Variants in KIFC3 observed in about 807,000 individuals in gnomAD.
The protein encoded by KIFC3 is kinesin-like protein KIFC3.
KIFC3 carries 60 observed loss-of-function variants against 101.8 expected under a neutral mutation model. That is an observed-to-expected ratio of 0.59 (90% CI 0.48 to 0.73). The LOEUF (loss-of-function observed/expected upper bound fraction) is 0.73, where lower values mean the gene tolerates loss of function less well. Among genes scored for constraint, KIFC3 ranks in the 30% least tolerant of loss-of-function variants. The pLI, the probability that KIFC3 is intolerant of heterozygous loss-of-function variation, is 0.00. For missense variants in KIFC3, 966 were observed against 1,137.1 expected (o/e 0.85, Z 2.16); for synonymous variants, 476 against 482.7 (o/e 0.99, Z 0.18).
At chr16:57,862,132 A>G (rs1959323358) in intron 1 of KIFC3, among the ~76,000 whole-genome samples, 1 of 149,456 alleles carries the variant, frequency 6.7e-6, no homozygotes, top group Non-Finnish European at 1.5e-5. Flanking sequence ...CCTTATTATT[A>G]TTATTATTTA....
chr16:57,795,222 C>T (rs2054194401), intron 2 of KIFC3, 81 bp from the exon 3 acceptor site: 2 of 1,490,270 alleles, frequency 1.3e-6, no homozygotes, highest in South Asian at 2.5e-5. Context: ...GCCAGGGCCG[C>T]AGCTGAGCTC....
intron 3 of KIFC3, chr16:57,775,319 A>G: frequency 8.4e-7 from 1 of 1,192,784 alleles, no homozygotes; most frequent in Non-Finnish European, 1.0e-6. Flanking sequence ...AGGGCAGCAA[A>G]GCAGGGGGAA....
Position 57,769,329 on chromosome 16 carries a change from C to G in KIFC3, c.1218+266G>C, listed in dbSNP as rs1222795326. Among the ~76,000 whole-genome samples the G allele has an allele frequency of 6.6e-6, 1 of 152,244 alleles. No individual in the cohort carries two copies. The highest frequency in any genetic ancestry group is 2.1e-4 in the South Asian group (1 of 4,834). ...GGAATTACAGGTGTGAGCCACCGCG[C>G]CTGGCCTGCATGTTTGAAATATGAA... is the stretch of plus-strand genomic sequence containing the variant. On this transcript the variant is annotated intron_variant, in intron 9 of 19. Coordinates refer to ENST00000445690, the MANE Select transcript of KIFC3 (RefSeq NM_001130100.2). The surrounding 1 kb of genome is among the most constrained non-coding windows in gnomAD (Gnocchi z 4.3).
At chr16:57,845,207 G>A (rs59926041) in intron 1 of KIFC3, among the ~76,000 whole-genome samples, 14,193 of 152,118 alleles carry the variant, frequency 0.093, 704 homozygotes, top group South Asian at 0.14. Context: ...AAACCCTGCA[G>A]GTGCAGCCTT....
intron 1 of KIFC3, among the ~76,000 whole-genome samples, chr16:57,811,460 C>T (rs28686986): frequency 0.055 from 8,323 of 152,252 alleles, 763 homozygotes; most frequent in African/African-American, 0.19. Flanking sequence ...CGATGGCTCA[C>T]GCCTATAATC....
intron 1 of KIFC3, among the ~76,000 whole-genome samples, chr16:57,842,421 C>A (rs1384419023): frequency 2.6e-5 from 4 of 152,134 alleles, no homozygotes; most frequent in Admixed American, 6.6e-5. Context: ...GGGTAACAAA[C>A]TTGTAAATAA....
At chr16:57,767,126 A>G (rs922386836) in intron 9 of KIFC3, 141 bp from the exon 10 acceptor site, 17 of 647,794 alleles carry the variant, frequency 2.6e-5, no homozygotes, top group African/African-American at 7.2e-5. Context: ...GACTGTCCCA[A>G]TCACCCCTCT....
intron 18 of KIFC3, 152 bp downstream of exon 18, chr16:57,759,576 C>A: frequency 1.6e-6 from 1 of 618,842 alleles, no homozygotes. Flanking sequence ...CTGACTACTG[C>A]CTGGGGGCAG....
At chr16:57,761,620 T>C (rs2148848449) in intron 13 of KIFC3, 84 bp from the exon 14 acceptor site, 4 of 1,514,860 alleles carry the variant, frequency 2.6e-6, no homozygotes, top group Non-Finnish European at 3.6e-6. Flanking sequence ...GCCAGGAATG[T>C]TCCCCCAACC....
At chr16:57,845,641 A>G (rs2055902972) in intron 1 of KIFC3, among the ~76,000 whole-genome samples, 1 of 152,016 alleles carries the variant, frequency 6.6e-6, no homozygotes, top group Admixed American at 6.6e-5. Context: ...GTGTTCCTCA[A>G]GGAGACTCTC....
At chr16:57,764,461 A>G (rs1215236598) in intron 11 of KIFC3, 3 of 552,256 alleles carry the variant, frequency 5.4e-6, no homozygotes, top group African/African-American at 3.8e-5. Context: ...CAGGGAAGAC[A>G]GGCCAGTGCC....
upstream of KIFC3, among the ~76,000 whole-genome samples, chr16:57,805,959 G>A (rs782156274): frequency 7.9e-5 from 12 of 151,894 alleles, no homozygotes; most frequent in Non-Finnish European, 7.4e-5. Context: ...GGCTGCTTGC[G>A]AACTCCTGAC....
Position 57,795,032 on chromosome 16 carries a change from G to A in KIFC3, c.282C>T (p.Pro94=), listed in dbSNP as rs565843349. Residue 94 remains proline (P), a synonymous_variant, in exon 3 of 20, where the codon CCC becomes CCT. Transcript: ENST00000445690. The part of the protein sequence containing the change: ...CRALSVDWAG[P]GSPHGLYLTL... ...TCAGGTAGAGCCCGTGGGGGCTTCCGGGGCCAGCCCAGTCCACGCTAAGGG... is the reference window on the plus strand; with the variant it reads ...TCAGGTAGAGCCCGTGGGGGCTTCCAGGGCCAGCCCAGTCCACGCTAAGGG... 7.6e-5 allele frequency: 121 copies of A among 1,596,762 alleles called. No individual in the cohort carries two copies. In the South Asian group the frequency reaches 1.1e-3, roughly 14 times the overall value.
upstream of KIFC3, chr16:57,803,430 G>A (rs1322747886): frequency 6.1e-6 from 3 of 493,062 alleles, no homozygotes; most frequent in African/African-American, 3.9e-5. Context: ...TCTGAAGCCA[G>A]CCCATGCAGG....
At chr16:57,786,767 C>T (rs2053369978) in intron 3 of KIFC3, among the ~76,000 whole-genome samples, 1 of 152,182 alleles carries the variant, frequency 6.6e-6, no homozygotes, top group Admixed American at 6.5e-5. Context: ...CCTGAAGTCA[C>T]ACACCCCTCT....
intron 11 of KIFC3, among the ~76,000 whole-genome samples, chr16:57,764,944 T>G (rs2050301435): frequency 1.4e-5 from 2 of 139,130 alleles, no homozygotes; most frequent in Non-Finnish European, 3.1e-5. Flanking sequence ...AGCCACAGCA[T>G]GAGGGTGGGA....
At chr16:57,795,702 G>T (rs1457683202) in intron 2 of KIFC3, among the ~76,000 whole-genome samples, 1 of 152,056 alleles carries the variant, frequency 6.6e-6, no homozygotes, top group African/African-American at 2.4e-5. Flanking sequence ...GGCTGTGGCA[G>T]CAATGCCCCA....
intron 3 of KIFC3, chr16:57,776,444 T>C: frequency 1.0e-6 from 1 of 984,240 alleles, no homozygotes; most frequent in South Asian, 4.7e-5. Flanking sequence ...ATTCGAATTC[T>C]AAAGCCAGGC....
chr16:57,759,110 A>G lies in KIFC3; in HGVS notation c.*24+15T>C. On this transcript the variant is annotated intron_variant, in intron 19 of 19. Transcript: ENST00000445690. ...AGGCAGGCGGGCAGCCCTGGGCCAC[A>G]GGCCCCACACTCACCTAGAGACTCT... 1 of 1,550,310 alleles carries G rather than the reference A, an allele frequency of 6.5e-7. No individual in the cohort carries two copies. Among genetic ancestry groups the G allele is most frequent in the Non-Finnish European group, 8.7e-7 (1 of 1,146,756 alleles).
Sources: allele counts gnomAD v4.1 joint callset (sites outside exome capture counted in the v4.1 genomes callset), GRCh38; gene constraint gnomAD v4.1.1; non-coding constraint Gnocchi (gnomAD v3.1); transcripts MANE v1.5; gene names NCBI Gene and HGNC (gene_info 2026-07-23, HGNC 2026-07-21).